Variants in ARHGAP12 observed in about 807,000 individuals in gnomAD.
ARHGAP12 encodes the protein rho GTPase-activating protein 12.
A neutral mutation model predicts 108.6 loss-of-function variants in ARHGAP12; 64 were observed. The observed-to-expected ratio is 0.59, with a 90% confidence interval of 0.48 to 0.73. The LOEUF is 0.73. Among genes scored for constraint, ARHGAP12 ranks in the 30% least tolerant of loss-of-function variants. The pLI, the probability that ARHGAP12 is intolerant of heterozygous loss-of-function variation, is 0.00. For synonymous variants in ARHGAP12, 312 were observed against 337.2 expected, an observed-to-expected ratio of 0.93 and a Z score of 0.82; for missense variants, 940 against 1,005.9, an observed-to-expected ratio of 0.93 and a Z score of 0.89.
chr10:31,910,477 T>C (rs575329012), intron 2 of ARHGAP12, 48 bp downstream of exon 2: 2 of 151,976 alleles, frequency 1.3e-5, no homozygotes, highest in African/African-American at 4.8e-5. Flanking sequence ...GACAAACTAC[T>C]TGACTAACAA....
intron 8 of ARHGAP12, 65 bp from the exon 9 acceptor site, chr10:31,839,384 A>G (rs1836163296): frequency 1.3e-6 from 2 of 1,489,106 alleles, no homozygotes; most frequent in South Asian, 2.5e-5. Context: ...TTTATTTTTA[A>G]AAACAAATAT....
intron 7 of ARHGAP12, among the ~76,000 whole-genome samples, chr10:31,841,619 G>A (rs529447068): frequency 4.1e-4 from 62 of 152,238 alleles, no homozygotes; most frequent in Admixed American, 7.9e-4. Flanking sequence ...CCCACTGTAG[G>A]TTAATGTAAA....
intron 7 of ARHGAP12, among the ~76,000 whole-genome samples, chr10:31,842,231 G>A (rs1836296649): frequency 6.6e-6 from 1 of 152,156 alleles, no homozygotes; most frequent in Non-Finnish European, 1.5e-5. Context: ...ACAATGGTTT[G>A]ACTTAGAACA....
Position 31,908,364 on chromosome 10 carries a change from A to G in ARHGAP12, c.492T>C (p.His164=), listed in dbSNP as rs770593882. 11 of 1,614,088 alleles carry G rather than the reference A, an allele frequency of 6.8e-6. No homozygotes were observed. The highest frequency in any genetic ancestry group is 1.7e-5 in the Admixed American group (1 of 60,000). ...HNNGKFNNDS[H]SPKVSSQNRT... ...TATTCTGGCTGGAAACTTTAGGAGA[A>G]TGTGAGTCATTGTTAAACTTTCCGT... Residue 164 remains histidine, a synonymous_variant, in exon 3 of 20, where the codon CAT becomes CAC. Coordinates refer to ENST00000344936, the MANE Select transcript of ARHGAP12 (RefSeq NM_018287.7).
At chr10:31,832,930 T>C (rs1835885461) in intron 9 of ARHGAP12, among the ~76,000 whole-genome samples, 1 of 152,204 alleles carries the variant, frequency 6.6e-6, no homozygotes, top group Non-Finnish European at 1.5e-5. Flanking sequence ...TGAAGTTTTA[T>C]TGTAATTTTT....
intron 3 of ARHGAP12, among the ~76,000 whole-genome samples, chr10:31,885,454 A>G (rs1451133651): frequency 6.6e-6 from 1 of 152,176 alleles, no homozygotes; most frequent in African/African-American, 2.4e-5. Flanking sequence ...TTAAAAACCA[A>G]GAGTTCCTTC....
intron 3 of ARHGAP12, among the ~76,000 whole-genome samples, chr10:31,888,574 G>A (rs1384575044): frequency 2.6e-5 from 4 of 152,120 alleles, no homozygotes; most frequent in African/African-American, 9.7e-5. Flanking sequence ...AGTGAACAAG[G>A]CCCTAGAGTT....
At chr10:31,818,687 C>T (rs961538520) in intron 12 of ARHGAP12, among the ~76,000 whole-genome samples, 2 of 151,900 alleles carry the variant, frequency 1.3e-5, no homozygotes, top group Admixed American at 6.6e-5. Flanking sequence ...TAAAAAGGTA[C>T]CCTCAAAAAA....
intron 3 of ARHGAP12, among the ~76,000 whole-genome samples, chr10:31,881,375 C>CA (rs980125352): frequency 1.1e-4 from 16 of 151,608 alleles, no homozygotes; most frequent in East Asian, 1.9e-4. Context: ...GGAACACACA[C>CA]AAAAAAAACA....
chr10:31,927,239 T>TACTGTGCCAGG (rs145613135), intron 1 of ARHGAP12, among the ~76,000 whole-genome samples: 83,796 of 151,530 alleles, frequency 0.55, 24,056 homozygotes, highest in African/African-American at 0.71. Context: ...AAAATAAAAA[T>TACTGTGCCAGG]AGCCAAAATG....
chr10:31,903,251 T>C (rs1839000233), intron 3 of ARHGAP12, among the ~76,000 whole-genome samples: 1 of 152,212 alleles, frequency 6.6e-6, no homozygotes, highest in African/African-American at 2.4e-5. Context: ...GTACAACATA[T>C]TATTGTACTG....
At chr10:31,925,194 A>C (rs16932785) in intron 1 of ARHGAP12, among the ~76,000 whole-genome samples, 35,843 of 152,042 alleles carry the variant, frequency 0.24, 4,497 homozygotes, top group Non-Finnish European at 0.29. Flanking sequence ...AGGTCTTACT[A>C]CAAAAAAACT....
chr10:31,902,416 C>T (rs1490628630), intron 3 of ARHGAP12, among the ~76,000 whole-genome samples: 1 of 151,928 alleles, frequency 6.6e-6, no homozygotes, highest in African/African-American at 2.4e-5. Context: ...TGACTCATGC[C>T]TATAATCCCA....
intron 3 of ARHGAP12, among the ~76,000 whole-genome samples, chr10:31,898,857 CAACA>C (rs1316293826): frequency 6.6e-6 from 1 of 151,134 alleles, no homozygotes; most frequent in Non-Finnish European, 1.5e-5. Flanking sequence ...AGTGTAACAA[CAACA>C]AACAAAAAAA....
chr10:31,905,570 A>C (rs553932324), intron 3 of ARHGAP12, among the ~76,000 whole-genome samples: 1 of 152,204 alleles, frequency 6.6e-6, no homozygotes, highest in Non-Finnish European at 1.5e-5. Flanking sequence ...AAGGTAAAGG[A>C]AGATAAAAGA....
intron 3 of ARHGAP12, among the ~76,000 whole-genome samples, chr10:31,904,036 G>A (rs1839027242): frequency 6.6e-6 from 1 of 152,166 alleles, no homozygotes; most frequent in African/African-American, 2.4e-5. Flanking sequence ...CTGTCACTCT[G>A]TAAAAACACT....
At position 31,839,906 on chromosome 10, in the gene ARHGAP12, G is replaced by C. The variant is rs1351765377; in HGVS notation, c.1297-195C>G. 2.0e-5 allele frequency among the ~76,000 whole-genome samples: 3 copies of C among 152,120 alleles called. No homozygotes were observed. In the East Asian group the frequency reaches 5.8e-4, roughly 29 times the overall value. Reference sequence around the variant, plus strand: ...TTATTAAAAGTTTATAAAATATGGTGCTTTTTATAGCAATTACAGTTAAAT... The same window carrying C: ...TTATTAAAAGTTTATAAAATATGGTCCTTTTTATAGCAATTACAGTTAAAT... On this transcript the variant is annotated intron_variant, in intron 7 of 19. Transcript: ENST00000344936.
chr10:31,876,965 AATCCTC>A (rs2132352262), intron 3 of ARHGAP12, among the ~76,000 whole-genome samples: 1 of 152,306 alleles, frequency 6.6e-6, no homozygotes, highest in South Asian at 2.1e-4. Flanking sequence ...ATTAACTCCT[AATCCTC>A]ATCTGAAGAC....
At chr10:31,811,180 G>C (rs907283889) in intron 15 of ARHGAP12, among the ~76,000 whole-genome samples, 6 of 152,264 alleles carry the variant, frequency 3.9e-5, no homozygotes, top group African/African-American at 1.4e-4. Flanking sequence ...CTTCCTACTT[G>C]AGTATAAGTT....
Sources: allele counts gnomAD v4.1 joint callset (sites outside exome capture counted in the v4.1 genomes callset), GRCh38; gene constraint gnomAD v4.1.1; transcripts MANE v1.5; gene names NCBI Gene and HGNC (gene_info 2026-07-23, HGNC 2026-07-21).